The following TOP6BL variants were observed in gnomAD, a reference collection of about 807,000 sequenced individuals.
The protein encoded by TOP6BL is type 2 DNA topoisomerase 6 subunit B-like.
At chr11:66,816,817 A>G in the TOP6BL span, among the ~76,000 whole-genome samples, 1 of 152,032 alleles carries the variant, frequency 6.6e-6, no homozygotes, top group Non-Finnish European at 1.5e-5. Context: ...GCTTCAAGTA[A>G]TCTTCCTTCC....
chr11:66,770,781 T>C, the TOP6BL span, among the ~76,000 whole-genome samples: 1 of 152,080 alleles, frequency 6.6e-6, no homozygotes, highest in South Asian at 2.1e-4. Context: ...ACTTCCCTCT[T>C]CTCTTTCCTG....
the TOP6BL span, among the ~76,000 whole-genome samples, chr11:66,799,696 G>A: frequency 6.6e-6 from 1 of 151,806 alleles, no homozygotes; most frequent in Non-Finnish European, 1.5e-5. Flanking sequence ...TCCAGCCTGG[G>A]CGACAGACTG....
chr11:66,821,659 CACA>C, the TOP6BL span: 1 of 1,608,902 alleles, frequency 6.2e-7, no homozygotes, highest in South Asian at 1.1e-5. Flanking sequence ...ATACTTTGCT[CACA>C]ACTCATCTCA....
At chr11:66,797,877 TATAAAG>T in the TOP6BL span, among the ~76,000 whole-genome samples, 5 of 152,254 alleles carry the variant, frequency 3.3e-5, no homozygotes, top group Admixed American at 1.3e-4. Context: ...TAGATATGTT[TATAAAG>T]ATAAACACTT....
the TOP6BL span, among the ~76,000 whole-genome samples, chr11:66,832,650 C>T: frequency 3.3e-5 from 5 of 152,232 alleles, no homozygotes; most frequent in Non-Finnish European, 7.3e-5. Context: ...ATGCACTTCC[C>T]AGGAACGTGT....
chr11:66,748,453 A>C, the TOP6BL span: 6 of 1,548,476 alleles, frequency 3.9e-6, no homozygotes, highest in Non-Finnish European at 5.2e-6. Flanking sequence ...AAGGGCAGCT[A>C]GTGATTTCCA....
the TOP6BL span, among the ~76,000 whole-genome samples, chr11:66,780,274 C>T: frequency 2.0e-5 from 3 of 151,878 alleles, no homozygotes; most frequent in Non-Finnish European, 2.9e-5. Context: ...ATTATTTTTG[C>T]TCTGAAAAGC....
chr11:66,778,962 G>A, the TOP6BL span, among the ~76,000 whole-genome samples: 1 of 152,204 alleles, frequency 6.6e-6, no homozygotes, highest in Non-Finnish European at 1.5e-5. Context: ...CTAGCCATTT[G>A]TAGAAAGCTG....
the TOP6BL span, among the ~76,000 whole-genome samples, chr11:66,749,036 A>G: frequency 6.6e-6 from 1 of 151,786 alleles, no homozygotes; most frequent in Non-Finnish European, 1.5e-5. Flanking sequence ...TTAAACTTGA[A>G]GTGTTAGCTT....
chr11:66,832,244 C>G, the TOP6BL span, among the ~76,000 whole-genome samples: 1 of 151,734 alleles, frequency 6.6e-6, no homozygotes, highest in Non-Finnish European at 1.5e-5. Flanking sequence ...ACTACAGGCA[C>G]CTGCCACCAT....
chr11:66,800,170 G>A, the TOP6BL span, among the ~76,000 whole-genome samples: 1 of 152,068 alleles, frequency 6.6e-6, no homozygotes, highest in Non-Finnish European at 1.5e-5. Flanking sequence ...CTTATATGTG[G>A]AATCTGAAAA....
chr11:66,843,425 G>T, the TOP6BL span: 1 of 1,394,352 alleles, frequency 7.2e-7, no homozygotes, highest in South Asian at 1.6e-5. Flanking sequence ...CTGGGACTGC[G>T]TCACTGGTGC....
chr11:66,807,500 GGCGGTGGTT>G, the TOP6BL span, among the ~76,000 whole-genome samples: 30 of 152,324 alleles, frequency 2.0e-4, no homozygotes, highest in African/African-American at 6.3e-4. Flanking sequence ...GAACCTGGGA[GGCGGTGGTT>G]GCGGTGAGCC....
the TOP6BL span, chr11:66,828,456 A>ATTATGCAGT: frequency 1.1e-6 from 1 of 920,430 alleles, no homozygotes; most frequent in Non-Finnish European, 1.7e-6. Context: ...AGTGTTTCAG[A>ATTATGCAGT]CTGCATAATC....
the TOP6BL span, chr11:66,756,555 A>G: frequency 6.9e-6 from 7 of 1,008,930 alleles, no homozygotes; most frequent in Non-Finnish European, 8.3e-6. Context: ...CTCAATTTTC[A>G]GTTATATTTC....
chr11:66,774,985 C>A, the TOP6BL span, among the ~76,000 whole-genome samples: 4 of 151,358 alleles, frequency 2.6e-5, no homozygotes, highest in Admixed American at 2.0e-4. Flanking sequence ...TGGTGGCGGG[C>A]GCCTGTAGTC....
At chr11:66,828,486 AG>A in the TOP6BL span, 2 of 679,734 alleles carry the variant, frequency 2.9e-6, no homozygotes, top group East Asian at 5.6e-5. Context: ...CCTTTCAGCA[AG>A]GAAGTCTGTG....
At chr11:66,842,395 C>T in the TOP6BL span, among the ~76,000 whole-genome samples, 1 of 152,174 alleles carries the variant, frequency 6.6e-6, no homozygotes, top group Non-Finnish European at 1.5e-5. Context: ...AAGAATCTAT[C>T]CATCTAAACT....
chr11:66,805,011 G>C, the TOP6BL span, among the ~76,000 whole-genome samples: 14 of 152,084 alleles, frequency 9.2e-5, no homozygotes, highest in Non-Finnish European at 2.1e-4. Context: ...AGGTTGCAGT[G>C]AGCCGAGATC....
Sources: allele counts gnomAD v4.1 joint callset (sites outside exome capture counted in the v4.1 genomes callset), GRCh38; gene constraint gnomAD v4.1.1; transcripts MANE v1.5; gene names NCBI Gene and HGNC (gene_info 2026-07-23, HGNC 2026-07-21).